Variants in OCA2 observed in about 807,000 individuals in gnomAD.
OCA2 encodes P protein.
In OCA2, 77 loss-of-function variants were observed where a neutral mutation model predicts 100.2. The observed-to-expected ratio is 0.77, with a 90% confidence interval of 0.64 to 0.93. OCA2 has a LOEUF of 0.93. Ranked by LOEUF, OCA2 falls within the 40% of genes least tolerant of loss-of-function variation. OCA2 has a pLI of 0.00. For missense variants in OCA2, 1,062 were observed against 1,089.1 expected (o/e 0.98, Z 0.35); for synonymous variants, 432 against 439.2 (o/e 0.98, Z 0.21).
chr15:27,770,876 T>TCCCATCC lies in OCA2; in HGVS notation c.2433-15405_2433-15404insGGATGGG, dbSNP rs1408535253. ...TTCCTTTCTTCCTTCCTTCCCTCCT[T>TCCCATCC]CCTTTGCTCCTTCCCATCTCCTTTT... On this transcript the variant is annotated intron_variant, in intron 23 of 23. Coordinates refer to ENST00000354638, the MANE Select transcript of OCA2 (RefSeq NM_000275.3). Among the ~76,000 whole-genome samples the TCCCATCC allele has an allele frequency of 6.5e-4, 42 of 64,522 alleles. 1 individual carries two copies. Among genetic ancestry groups the TCCCATCC allele is most frequent in the African/African-American group, 2.4e-3 (39 of 15,972 alleles). 42.3% of individuals were successfully genotyped at this position (64,522 alleles called of 152,430 possible).
chr15:27,912,430 T>C (rs1169247880), intron 19 of OCA2, among the ~76,000 whole-genome samples: 1 of 151,990 alleles, frequency 6.6e-6, no homozygotes, highest in Non-Finnish European at 1.5e-5. Context: ...GATTGAAAAT[T>C]GATGAGGATG....
chr15:28,010,943 G>A (rs923789632), intron 9 of OCA2, among the ~76,000 whole-genome samples: 6 of 152,204 alleles, frequency 3.9e-5, no homozygotes, highest in African/African-American at 7.2e-5. Context: ...ACTTACACCT[G>A]CAGTAATCAA....
chr15:27,911,317 G>A lies in OCA2; in HGVS notation c.2079+14810C>T, dbSNP rs557051355. 4.0e-5 allele frequency among the ~76,000 whole-genome samples: 6 copies of A among 150,390 alleles called. No individual in the cohort carries two copies. In the South Asian group the frequency reaches 1.2e-3, roughly 31 times the overall value. On this transcript the variant is annotated intron_variant, in intron 19 of 23. Transcript: ENST00000354638. ...AGCCTGTAGTCCCAGCTACTTGGGA[G>A]GCTGTAGTTAGGAGGATTCCTTGAG...
chr15:28,081,830 C>T lies in OCA2; in HGVS notation c.45G>A (p.Pro15=), dbSNP rs202091837. 507 of 1,611,820 alleles carry T rather than the reference C, an allele frequency of 3.1e-4. 1 individual carries two copies. The highest frequency in any genetic ancestry group is 2.5e-4 in the Non-Finnish European group (300 of 1,179,764). ...CGGACGTCTGCAGGAGCTCCACCGC[C>T]GGCGCGCCGGGGTACCGCCTGCCGT... ...GRDGRRYPGA[P]AVELLQTSVP... Residue 15 remains proline (P), a synonymous_variant, in exon 2 of 24, where the codon CCG becomes CCA. Transcript: ENST00000354638.
chr15:27,755,574 T>A, intron 23 of OCA2, 102 bp from the exon 24 acceptor site: 1 of 855,358 alleles, frequency 1.2e-6, no homozygotes, highest in Non-Finnish European at 2.0e-6. Context: ...ACCTTTGCAT[T>A]TTCACAATGG....
intron 2 of OCA2, among the ~76,000 whole-genome samples, chr15:28,064,830 G>GAAAGAAACAA (rs2043975720): frequency 6.6e-6 from 1 of 150,778 alleles, no homozygotes. Flanking sequence ...GATTTAAATG[G>GAAAGAAACAA]ATTTGTTTCT....
chr15:27,915,737 T>C (rs868198793), intron 19 of OCA2, among the ~76,000 whole-genome samples: 1 of 152,166 alleles, frequency 6.6e-6, no homozygotes, highest in Admixed American at 6.5e-5. Flanking sequence ...AGAGAATGCT[T>C]ATACACTGCT....
the OCA2 span, among the ~76,000 whole-genome samples, chr15:27,727,777 C>T: frequency 3.9e-5 from 6 of 152,326 alleles, no homozygotes; most frequent in African/African-American, 1.2e-4. Flanking sequence ...GCAGGCACCA[C>T]CACAGGGGAG....
At chr15:28,003,809 T>A (rs1350111279) in intron 9 of OCA2, among the ~76,000 whole-genome samples, 2 of 152,210 alleles carry the variant, frequency 1.3e-5, no homozygotes, top group East Asian at 3.9e-4. Flanking sequence ...GTCCTCGATC[T>A]GGGTGCTCTG....
At chr15:27,913,903 G>GAAAGAAAGAAAGAA (rs1567098836) in intron 19 of OCA2, among the ~76,000 whole-genome samples, 3 of 39,984 alleles carry the variant, frequency 7.5e-5, no homozygotes, top group African/African-American at 3.3e-4. Flanking sequence ...AAGCAAGCAA[G>GAAAGAAAGAAAGAA]CAAGCAAGCA....
chr15:27,770,851 T>TCCC (rs2031720952), intron 23 of OCA2, among the ~76,000 whole-genome samples: 2 of 99,928 alleles, frequency 2.0e-5, no homozygotes, highest in Admixed American at 9.3e-5. Flanking sequence ...TTTTCCTTCC[T>TCCC]TCCTTTCTTC....
chr15:27,855,342 C>T (rs1405399289), intron 21 of OCA2, among the ~76,000 whole-genome samples: 4 of 152,232 alleles, frequency 2.6e-5, no homozygotes, highest in Admixed American at 6.5e-5. Context: ...CTGAGGCAAG[C>T]GCTCCCTCGC....
At chr15:27,865,178 C>T (rs2036275082) in intron 21 of OCA2, among the ~76,000 whole-genome samples, 1 of 151,902 alleles carries the variant, frequency 6.6e-6, no homozygotes, top group African/African-American at 2.4e-5. Context: ...TCTGTTTTGT[C>T]TCTTGAGACT....
intron 23 of OCA2, among the ~76,000 whole-genome samples, chr15:27,758,425 C>T (rs2030559729): frequency 6.6e-6 from 1 of 152,244 alleles, no homozygotes; most frequent in South Asian, 2.1e-4. Flanking sequence ...AGCCCCTCTC[C>T]TGTGGTAACA....
At position 28,032,047 on chromosome 15, in the gene OCA2, A is replaced by T. The variant is rs760274825; in HGVS notation, c.326+18T>A. ...GCTCAGAAACTCTTACTTTCATATG[A>T]GGGGGAAAATATCTCACCCTTTCTC... On this transcript the variant is annotated intron_variant, in intron 3 of 23. Transcript: ENST00000354638. The T allele has an allele frequency of 1.3e-6, 2 of 1,582,834 alleles. No individual in the cohort carries two copies. Among genetic ancestry groups the T allele is most frequent in the Non-Finnish European group, 8.7e-7 (1 of 1,151,300 alleles).
intron 8 of OCA2, among the ~76,000 whole-genome samples, 173 bp from the exon 9 acceptor site, chr15:28,015,102 C>G (rs905086127): frequency 6.6e-6 from 1 of 152,182 alleles, no homozygotes; most frequent in Admixed American, 6.5e-5. Flanking sequence ...TAGGATGCAG[C>G]CTCCCTGCAG....
chr15:27,984,952 G>T (rs150540829), intron 13 of OCA2, 112 bp downstream of exon 13: 2 of 1,312,530 alleles, frequency 1.5e-6, no homozygotes, highest in Non-Finnish European at 2.2e-6. Flanking sequence ...GGGCTCAACC[G>T]CCCCCACCTT....
intron 19 of OCA2, among the ~76,000 whole-genome samples, chr15:27,909,053 G>T (rs1001836769): frequency 6.6e-6 from 1 of 152,036 alleles, no homozygotes; most frequent in African/African-American, 2.4e-5. Flanking sequence ...ATTAGACAGG[G>T]ATATCAACTA....
rs1404723954 is a variant in OCA2, at chr15:27,781,125, G to C, written c.2433-25653C>G. Among the ~76,000 whole-genome samples the C allele has an allele frequency of 1.3e-5, 2 of 152,158 alleles. 1 individual carries two copies. Among genetic ancestry groups the C allele is most frequent in the South Asian group, 4.1e-4 (2 of 4,828 alleles). On this transcript the variant is annotated intron_variant, in intron 23 of 23. Transcript: ENST00000354638. ...CTGCTGCCTAAGAAGGCATCCCACT[G>C]TCAGTGCCTATGGTTCATTGTCCTC...
Sources: gnomAD v4.1 joint callset for allele counts (sites outside exome capture counted in the v4.1 genomes callset) on GRCh38, gnomAD v4.1.1 for gene constraint, MANE v1.5 for transcripts, NCBI Gene and HGNC (gene_info 2026-07-23, HGNC 2026-07-21) for gene names.